The following FARP2 variants were observed in gnomAD, a reference collection of about 807,000 sequenced individuals.
The protein encoded by FARP2 is FERM, ARH/RhoGEF and pleckstrin domain protein 2.
FARP2 carries 111 observed loss-of-function variants against 130.5 expected under a neutral mutation model. The observed-to-expected ratio is 0.85, with a 90% CI of 0.73 to 1.00. The LOEUF (loss-of-function observed/expected upper bound fraction) is 1.00. FARP2 is among the 50% of genes least tolerant of loss of function. FARP2 has a pLI of 0.00. For missense variants in FARP2, 1,385 were observed against 1,346.3 expected (o/e 1.03, Z -0.45); for synonymous variants, 504 against 516.9 (o/e 0.98, Z 0.34).
intron 2 of FARP2, among the ~76,000 whole-genome samples, chr2:241,402,844 AT>A: frequency 2.0e-4 from 1 of 5,096 alleles, no homozygotes; most frequent in Admixed American, 3.1e-3. Flanking sequence ...ATTTATATAT[AT>A]ATATATATAT....
chr2:241,481,861 C>A (rs369436578), intron 19 of FARP2, among the ~76,000 whole-genome samples: 1 of 152,202 alleles, frequency 6.6e-6, no homozygotes, highest in African/African-American at 2.4e-5. Context: ...GGGCAGGCTG[C>A]GCCCCCTCTC....
intron 14 of FARP2, among the ~76,000 whole-genome samples, chr2:241,457,471 G>A (rs1179561505): frequency 2.3e-5 from 3 of 132,294 alleles, no homozygotes; most frequent in African/African-American, 2.8e-5. Flanking sequence ...ACTAGGGACC[G>A]CTTTGGGTTC....
intron 7 of FARP2, among the ~76,000 whole-genome samples, chr2:241,416,485 CTTTAT>C (rs2150370296): frequency 6.6e-6 from 1 of 152,090 alleles, no homozygotes; most frequent in Non-Finnish European, 1.5e-5. Context: ...AATATTGTAC[CTTTAT>C]TTTAATTATT....
chr2:241,360,211 A>T (rs2061156877), intron 1 of FARP2, among the ~76,000 whole-genome samples: 1 of 152,248 alleles, frequency 6.6e-6, no homozygotes, highest in South Asian at 2.1e-4. Flanking sequence ...GAGCTCAATA[A>T]ATATTTGAAT....
chr2:241,467,938 A>G (rs1400435658), intron 17 of FARP2, among the ~76,000 whole-genome samples: 1 of 152,200 alleles, frequency 6.6e-6, no homozygotes, highest in African/African-American at 2.4e-5. Context: ...TGGTGGAATG[A>G]GGTGCAGGTC....
At chr2:241,464,916 G>A (rs548751894) in intron 17 of FARP2, among the ~76,000 whole-genome samples, 1 of 152,072 alleles carries the variant, frequency 6.6e-6, no homozygotes, top group East Asian at 1.9e-4. Context: ...CTCAGAACAA[G>A]TTCCCTCCTC....
intron 25 of FARP2, 44 bp downstream of exon 25, chr2:241,493,080 AC>A: frequency 8.2e-7 from 1 of 1,217,438 alleles, no homozygotes; most frequent in Non-Finnish European, 1.2e-6. Context: ...ATGCTAGCAG[AC>A]AGACACTTAA....
intron 1 of FARP2, 87 bp downstream of exon 1, chr2:241,356,475 C>G (rs1341899728): frequency 1.3e-5 from 2 of 152,250 alleles, no homozygotes; most frequent in African/African-American, 2.4e-5. Context: ...GGCGAGAGGC[C>G]CAGGCGGGGG....
intron 21 of FARP2, among the ~76,000 whole-genome samples, chr2:241,487,307 G>C (rs1005007917): frequency 1.3e-5 from 2 of 152,214 alleles, no homozygotes; most frequent in Non-Finnish European, 2.9e-5. Context: ...AATTGAAACA[G>C]ACACTCCTCA....
chr2:241,436,047 G>T (rs535101818), intron 11 of FARP2, among the ~76,000 whole-genome samples: 1 of 150,906 alleles, frequency 6.6e-6, no homozygotes, highest in South Asian at 2.1e-4. Flanking sequence ...CAAGTAGCTG[G>T]GACTACAGGC....
intron 1 of FARP2, among the ~76,000 whole-genome samples, chr2:241,360,734 T>C (rs912007654): frequency 6.6e-6 from 1 of 151,720 alleles, no homozygotes; most frequent in African/African-American, 2.4e-5. Context: ...AAAAAGCTGA[T>C]GAATAATGCA....
At chr2:241,456,482 C>T (rs1210313471) in intron 13 of FARP2, 3 of 386,854 alleles carry the variant, frequency 7.8e-6, no homozygotes, top group Non-Finnish European at 1.4e-5. Flanking sequence ...AGGTTGGTAT[C>T]CAGGCCCCCC....
intron 8 of FARP2, among the ~76,000 whole-genome samples, chr2:241,420,786 AGC>A (rs2062786734): frequency 6.6e-6 from 1 of 152,172 alleles, no homozygotes; most frequent in African/African-American, 2.4e-5. Context: ...ACCCAACCCC[AGC>A]AGACCCTGGG....
At chr2:241,474,317 C>CAAAAAAAA (rs56128645) in intron 18 of FARP2, among the ~76,000 whole-genome samples, 6 of 46,650 alleles carry the variant, frequency 1.3e-4, no homozygotes, top group Non-Finnish European at 1.8e-4. Context: ...GATTCCGTCT[C>CAAAAAAAA]AAAAAAAAAA....
chr2:241,372,831 G>C (rs770396018), intron 1 of FARP2: 6 of 213,314 alleles, frequency 2.8e-5, no homozygotes, highest in Non-Finnish European at 5.5e-5. Context: ...TGAGTTAATG[G>C]GTATGCCTGG....
intron 14 of FARP2, among the ~76,000 whole-genome samples, chr2:241,461,275 C>T (rs926681709): frequency 2.0e-5 from 3 of 152,156 alleles, no homozygotes; most frequent in Admixed American, 1.3e-4. Context: ...ACCCCTCACC[C>T]CTCCGCGCCC....
Position 241,469,679 on chromosome 2 carries a change from T to TA in FARP2, c.2131+1303dup, listed in dbSNP as rs528503365. 5.3e-3 allele frequency among the ~76,000 whole-genome samples: 801 copies of TA among 152,328 alleles called. 1 individual carries two copies. The highest frequency in any genetic ancestry group is 8.1e-3 in the Non-Finnish European group (549 of 68,026). On this transcript the variant is annotated intron_variant, in intron 18 of 26. Transcript: ENST00000264042. ...TAAAATGTTTCTCATTGTCAGTCAT[T>TA]ATACCACAGTAGTTAGGTAGGCAGA...
At chr2:241,462,736 C>A (rs2064057865) in intron 15 of FARP2, 124 bp downstream of exon 15, 8 of 671,710 alleles carry the variant, frequency 1.2e-5, no homozygotes. Flanking sequence ...GTCACCCAGG[C>A]TGGAGTGCGG....
At chr2:241,471,932 A>ACCC (rs1574891375) in intron 18 of FARP2, among the ~76,000 whole-genome samples, 1 of 57,472 alleles carries the variant, frequency 1.7e-5, no homozygotes, top group Non-Finnish European at 3.8e-5. Flanking sequence ...TGAGGGGATT[A>ACCC]TGTTCTGTGG....
Sources: gnomAD v4.1 joint callset for allele counts (sites outside exome capture counted in the v4.1 genomes callset) on GRCh38, gnomAD v4.1.1 for gene constraint, MANE v1.5 for transcripts, NCBI Gene and HGNC (gene_info 2026-07-23, HGNC 2026-07-21) for gene names.